The following METAP1 variants were observed in gnomAD, a reference collection of about 807,000 sequenced individuals.
METAP1 encodes the protein methionine aminopeptidase 1.
In METAP1, 28 loss-of-function variants were observed where a neutral mutation model predicts 53.8. The observed-to-expected ratio is 0.52, with a 90% CI of 0.39 to 0.71. The LOEUF (loss-of-function observed/expected upper bound fraction) is 0.71, where lower values mean the gene tolerates loss of function less well. Ranked by LOEUF, METAP1 falls within the 30% of genes least tolerant of loss-of-function variation. METAP1 has a pLI of 0.00. For synonymous variants in METAP1, 181 were observed against 165.7 expected (o/e 1.09, Z -0.71); for missense variants, 389 against 479.8 (o/e 0.81, Z 1.77).
intron 9 of METAP1, among the ~76,000 whole-genome samples, chr4:99,049,625 G>A (rs1174188054): frequency 6.6e-6 from 1 of 152,144 alleles, no homozygotes; most frequent in African/African-American, 2.4e-5. Context: ...GAATGAATCT[G>A]TTATTTAATG....
At chr4:99,025,832 C>A (rs1251265272) in intron 1 of METAP1, among the ~76,000 whole-genome samples, 1 of 152,198 alleles carries the variant, frequency 6.6e-6, no homozygotes, top group Non-Finnish European at 1.5e-5. Context: ...GTTATGTTAC[C>A]TGGAGGCTTC....
chr4:99,013,462 C>A (rs1039604090), intron 1 of METAP1, among the ~76,000 whole-genome samples: 1 of 152,160 alleles, frequency 6.6e-6, no homozygotes, highest in South Asian at 2.1e-4. Flanking sequence ...GTAAAGAAAT[C>A]AACACTGAGA....
intron 9 of METAP1, among the ~76,000 whole-genome samples, chr4:99,049,889 TTA>T (rs1287930372): frequency 2.0e-5 from 3 of 152,236 alleles, no homozygotes; most frequent in African/African-American, 4.8e-5. Context: ...GTAATATGCA[TTA>T]TCTCATTTGA....
At chr4:99,022,622 GCT>G (rs1202282206) in intron 1 of METAP1, 2 of 761,218 alleles carry the variant, frequency 2.6e-6, no homozygotes, top group Admixed American at 2.2e-5. Context: ...ACTCTCAGGT[GCT>G]GCCTGTGTGC....
intron 3 of METAP1, 81 bp from the exon 4 acceptor site, chr4:99,035,319 A>G (rs1725346960): frequency 2.0e-6 from 2 of 998,126 alleles, no homozygotes; most frequent in Non-Finnish European, 3.1e-6. Context: ...AAACTTCTAA[A>G]AACTTTTGAA....
At chr4:99,057,015 G>A (rs891262140) in intron 9 of METAP1, among the ~76,000 whole-genome samples, 2 of 151,858 alleles carry the variant, frequency 1.3e-5, no homozygotes, top group Non-Finnish European at 2.9e-5. Context: ...TCAGGTGCAC[G>A]CCACCACACC....
At chr4:99,016,550 C>G (rs1263642325) in intron 1 of METAP1, among the ~76,000 whole-genome samples, 1 of 152,166 alleles carries the variant, frequency 6.6e-6, no homozygotes, top group East Asian at 1.9e-4. Flanking sequence ...ATAATATGTT[C>G]AATTAAGGCC....
intron 1 of METAP1, among the ~76,000 whole-genome samples, chr4:99,028,005 T>A (rs1302321598): frequency 1.3e-5 from 2 of 152,168 alleles, no homozygotes; most frequent in African/African-American, 2.4e-5. Context: ...TTCTTGTCCG[T>A]GTCTTACTAG....
rs574580152 is a variant in METAP1, at chr4:99,048,209, T to C, written c.788-524T>C. Among the ~76,000 whole-genome samples the C allele has an allele frequency of 1.2e-4, 18 of 152,322 alleles. No homozygotes were observed. The South Asian group carries it at 3.5e-3, about 30-fold the overall frequency. On this transcript the variant is annotated intron_variant, in intron 8 of 10. Coordinates refer to ENST00000296411, the MANE Select transcript of METAP1 (RefSeq NM_015143.3). ...CAACCCTTTAGTGCTGCTATGAGTC[T>C]AACGTTTTTGGCATGAAAGGAGGAA...
At chr4:99,027,265 A>G (rs1007374942) in intron 1 of METAP1, among the ~76,000 whole-genome samples, 1 of 152,224 alleles carries the variant, frequency 6.6e-6, no homozygotes, top group African/African-American at 2.4e-5. Context: ...GGGAAGAATC[A>G]CAGAATGATT....
rs187943068 is a variant in METAP1 at position 99,043,256 on chromosome 4, T to C, written c.524T>C (p.Ile175Thr). 1.9e-6 allele frequency: 3 copies of C among 1,581,242 alleles called. No individual in the cohort carries two copies. The highest frequency in any genetic ancestry group is 2.6e-6 in the Non-Finnish European group (3 of 1,156,296). Residue 175 changes from isoleucine (I) to threonine (T), a missense_variant, in exon 7 of 11, where the codon ATT becomes ACT. Ile to Thr is a moderately conservative substitution (Grantham distance 89). Transcript: ENST00000296411. ...ATTTTTTCTGTATTATAGGCATGTA[T>C]TGCAAGAAATTGCTACCCTTCTCCC... Reference protein sequence around the residue: ...EIDHAVHLACIARNCYPSPLN... With the variant: ...EIDHAVHLACTARNCYPSPLN...
At chr4:99,042,418 A>G (rs1725941485) in intron 6 of METAP1, among the ~76,000 whole-genome samples, 1 of 152,226 alleles carries the variant, frequency 6.6e-6, no homozygotes, top group African/African-American at 2.4e-5. Flanking sequence ...TGAAGACTAG[A>G]GCAGGTTGGA....
intron 1 of METAP1, among the ~76,000 whole-genome samples, chr4:99,008,902 T>A (rs1284664255): frequency 6.6e-6 from 1 of 152,162 alleles, no homozygotes; most frequent in Non-Finnish European, 1.5e-5. Context: ...TAAAAAACAT[T>A]TAATTTTACT....
intron 5 of METAP1, among the ~76,000 whole-genome samples, chr4:99,040,777 T>C (rs1725800136): frequency 6.6e-6 from 1 of 151,690 alleles, no homozygotes; most frequent in African/African-American, 2.4e-5. Flanking sequence ...CCTCTATCAG[T>C]TGATGATAGT....
rs1440339601 is a variant in METAP1 at position 99,061,356 on chromosome 4, T to C, written c.*39T>C. ...GGCACATCTCAGTACCTTCTTACTG[T>C]GCTATGCATTTTATTGAGAGTACAG... On this transcript the variant is annotated 3_prime_UTR_variant, in exon 11 of 11. Transcript: ENST00000296411. 1 of 1,548,546 alleles carries C rather than the reference T, an allele frequency of 6.5e-7. No individual in the cohort carries two copies. The highest frequency in any genetic ancestry group is 8.8e-7 in the Non-Finnish European group (1 of 1,138,274).
intron 1 of METAP1, among the ~76,000 whole-genome samples, chr4:99,024,616 A>G (rs557462470): frequency 1.3e-5 from 2 of 152,354 alleles, no homozygotes; most frequent in East Asian, 1.9e-4. Flanking sequence ...AGAGTCTGCA[A>G]AATATTTCAA....
intron 1 of METAP1, chr4:99,026,604 A>AG (rs1299125196): frequency 1.1e-5 from 11 of 985,412 alleles, no homozygotes; most frequent in African/African-American, 5.2e-5. Context: ...AGAGATGAGG[A>AG]GGGAAAGATT....
At chr4:99,025,452 A>G (rs920674110) in intron 1 of METAP1, 1 of 985,044 alleles carries the variant, frequency 1.0e-6, no homozygotes, top group Admixed American at 6.1e-5. Context: ...CTGGAAATAA[A>G]TAAGAATTAC....
At chr4:99,028,999 A>G (rs1254091938) in intron 2 of METAP1, 81 bp downstream of exon 2, 29 of 926,276 alleles carry the variant, frequency 3.1e-5, no homozygotes, top group Non-Finnish European at 4.8e-5. Context: ...TCTAGTTCTG[A>G]AAGTGTATAT....
Sources: allele counts gnomAD v4.1 joint callset (sites outside exome capture counted in the v4.1 genomes callset), GRCh38; gene constraint gnomAD v4.1.1; transcripts MANE v1.5; gene names NCBI Gene and HGNC (gene_info 2026-07-23, HGNC 2026-07-21).